The following PTPRN2 variants were observed in gnomAD, a reference collection of about 807,000 sequenced individuals.
PTPRN2 encodes receptor-type tyrosine-protein phosphatase N2.
A neutral mutation model predicts 118.8 loss-of-function variants in PTPRN2; 74 were observed. That is an observed-to-expected ratio of 0.62 (90% CI 0.52 to 0.76). The LOEUF (loss-of-function observed/expected upper bound fraction) is 0.76. Among genes scored for constraint, PTPRN2 ranks in the 30% least tolerant of loss-of-function variants. The pLI is 0.00. For synonymous variants in PTPRN2, 641 were observed against 608.0 expected (o/e 1.05, Z -0.80); for missense variants, 1,481 against 1,394.4 (o/e 1.06, Z -0.99).
intron 5 of PTPRN2, among the ~76,000 whole-genome samples, chr7:158,177,210 CT>C (rs1425513401): frequency 6.6e-6 from 1 of 152,114 alleles, no homozygotes; most frequent in Non-Finnish European, 1.5e-5. Context: ...TGCATTCCCC[CT>C]AATTTGAGAA....
chr7:157,868,789 G>A lies in PTPRN2; in HGVS notation c.1788+29884C>T, dbSNP rs1320507737. 1.3e-5 allele frequency: 2 copies of A among 152,206 alleles called. No individual in the cohort carries two copies. The highest frequency in any genetic ancestry group is 2.9e-5 in the Non-Finnish European group (2 of 68,064). The allele number at this position is 152,206 out of a possible 1,614,324, so 9.4% of individuals were successfully genotyped here. A position where few individuals can be genotyped will look rare whatever the true frequency, so the allele number is the denominator to read the frequency against. Reference sequence around the variant, plus strand: ...TCCGGGCCATGCGTGGCTGGTAACTGGGAAATGCTCGACATGGAAAATTCT... The same window carrying A: ...TCCGGGCCATGCGTGGCTGGTAACTAGGAAATGCTCGACATGGAAAATTCT... On this transcript the variant is annotated intron_variant, in intron 12 of 22. Coordinates refer to ENST00000389418, the MANE Select transcript of PTPRN2 (RefSeq NM_002847.5). This position sits in a 1 kb window ranked among gnomAD's most constrained non-coding sequence, Gnocchi z 5.2.
chr7:158,182,203 C>T (rs1391910956), intron 5 of PTPRN2, among the ~76,000 whole-genome samples: 1 of 152,004 alleles, frequency 6.6e-6, no homozygotes, highest in Non-Finnish European at 1.5e-5. Context: ...TTTTTATTTC[C>T]ATGTATTTGT....
At chr7:158,340,884 C>T in intron 2 of PTPRN2, among the ~76,000 whole-genome samples, 1 of 92,028 alleles carries the variant, frequency 1.1e-5, no homozygotes. Flanking sequence ...CACACTCTCA[C>T]CATAAGAGCT....
chr7:158,443,412 G>A (rs559988001), intron 2 of PTPRN2, among the ~76,000 whole-genome samples: 16 of 152,314 alleles, frequency 1.1e-4, no homozygotes, highest in Non-Finnish European at 2.1e-4. Flanking sequence ...ATGAATCAAC[G>A]GAGAACTGAC....
chr7:158,062,744 C>A (rs1810448562), intron 11 of PTPRN2, among the ~76,000 whole-genome samples: 2 of 152,190 alleles, frequency 1.3e-5, no homozygotes, highest in Admixed American at 1.3e-4. Context: ...TGTGCCGGTT[C>A]CCCCAGCAGT....
rs1452821461 is a variant in PTPRN2 at position 157,986,446 on chromosome 7, G to A, written c.1724-87709C>T. ...CCGTGTGTGGTCACCGTGGTCAGTG[G>A]CAGAGGTGGGGCTGGAGGTCAGAAC... On this transcript the variant is annotated intron_variant, in intron 11 of 22. Transcript: ENST00000389418. This position sits in a 1 kb window ranked among gnomAD's most constrained non-coding sequence, Gnocchi z 4.5. 1.3e-5 allele frequency among the ~76,000 whole-genome samples: 2 copies of A among 152,258 alleles called. No homozygotes were observed. Among genetic ancestry groups the A allele is most frequent in the East Asian group, 1.9e-4 (1 of 5,156 alleles).
rs942761374 is a variant in PTPRN2, at chr7:157,868,207, C to T, written c.1788+30466G>A. Among the ~76,000 whole-genome samples, 2 of 152,216 alleles carry T rather than the reference C, an allele frequency of 1.3e-5. No homozygotes were observed. Among genetic ancestry groups the T allele is most frequent in the Non-Finnish European group, 2.9e-5 (2 of 68,042 alleles). ...TCCTTTCCCGATGGCTCCGACAGCC[C>T]AGTGGTGCACCTACAACTGCTTCCC... is the stretch of plus-strand genomic sequence containing the variant. On this transcript the variant is annotated intron_variant, in intron 12 of 22. Coordinates refer to ENST00000389418, the MANE Select transcript of PTPRN2 (RefSeq NM_002847.5). The surrounding 1 kb of genome is among the most constrained non-coding windows in gnomAD (Gnocchi z 5.2).
At chr7:157,661,416 C>G (rs918504363) in intron 13 of PTPRN2, among the ~76,000 whole-genome samples, 5 of 152,258 alleles carry the variant, frequency 3.3e-5, no homozygotes, top group South Asian at 4.1e-4. Context: ...AACGCGCGGC[C>G]GGGGACGCTG....
chr7:158,171,597 C>T (rs893490343), intron 5 of PTPRN2, among the ~76,000 whole-genome samples: 19 of 151,962 alleles, frequency 1.3e-4, no homozygotes, highest in African/African-American at 2.9e-4. Context: ...GTGATCTGCC[C>T]GCCTTGGCCT....
intron 21 of PTPRN2, among the ~76,000 whole-genome samples, chr7:157,551,649 C>G: frequency 6.8e-6 from 1 of 147,538 alleles, no homozygotes; most frequent in Non-Finnish European, 1.5e-5. Flanking sequence ...CCACACACCC[C>G]ACAGCCATCA....
intron 14 of PTPRN2, among the ~76,000 whole-genome samples, chr7:157,642,848 GCT>G (rs1804787360): frequency 1.9e-5 from 1 of 53,890 alleles, no homozygotes; most frequent in African/African-American, 5.9e-5. Flanking sequence ...AAAAAAAGCA[GCT>G]AAAACGCAGG....
chr7:157,975,589 CAGTG>C (rs1802685018), intron 11 of PTPRN2, among the ~76,000 whole-genome samples: 1 of 152,150 alleles, frequency 6.6e-6, no homozygotes, highest in African/African-American at 2.4e-5. Context: ...CTGTGCTTTT[CAGTG>C]AGTGTCACAG....
In PTPRN2 at chr7:158,003,011, G is replaced by C. The variant is rs1010490169; in HGVS notation, c.1723+78287C>G. Among the ~76,000 whole-genome samples the C allele has an allele frequency of 4.6e-5, 7 of 152,312 alleles. No homozygotes were observed. Among genetic ancestry groups the C allele is most frequent in the South Asian group, 2.1e-4 (1 of 4,828 alleles). ...CAGGGGAGGAGGAAAGAGCACAGGA[G>C]AGGGCAGGAGATGTTTGGCTTCTGT... On this transcript the variant is annotated intron_variant, in intron 11 of 22. Transcript: ENST00000389418. This position sits in a 1 kb window ranked among gnomAD's most constrained non-coding sequence, Gnocchi z 5.0.
chr7:157,895,218 A>T (rs552814323), intron 12 of PTPRN2, among the ~76,000 whole-genome samples: 1 of 151,100 alleles, frequency 6.6e-6, no homozygotes. Context: ...AAGCCAGAGG[A>T]TCTGGACGAA....
In PTPRN2 at chr7:157,674,418, G is replaced by T. The variant is rs1187482168; in HGVS notation, c.2001+8307C>A. 6.6e-6 allele frequency among the ~76,000 whole-genome samples: 1 copy of T among 152,136 alleles called. No homozygotes were observed. The highest frequency in any genetic ancestry group is 1.9e-4 in the East Asian group (1 of 5,178). ...GACTTTCATCTGCTGGGTCCTCCTC[G>T]GTTTGACGTGCAATTGCTTTTCCCG... On this transcript the variant is annotated intron_variant, in intron 13 of 22. Coordinates refer to ENST00000389418, the MANE Select transcript of PTPRN2 (RefSeq NM_002847.5). This position sits in a 1 kb window ranked among gnomAD's most constrained non-coding sequence, Gnocchi z 4.5.
chr7:158,420,246 G>A (rs976055542), intron 2 of PTPRN2, among the ~76,000 whole-genome samples: 8 of 152,142 alleles, frequency 5.3e-5, no homozygotes, highest in Admixed American at 4.6e-4. Flanking sequence ...CTGCAGTGAG[G>A]AGGAAGAGAC....
chr7:157,821,582 AGAG>A (rs1166063356), intron 12 of PTPRN2, among the ~76,000 whole-genome samples: 1 of 152,192 alleles, frequency 6.6e-6, no homozygotes, highest in Non-Finnish European at 1.5e-5. Context: ...AAGCTGATGG[AGAG>A]CCCACAGTTG....
intron 17 of PTPRN2, among the ~76,000 whole-genome samples, chr7:157,584,844 G>T (rs1445219394): frequency 2.0e-5 from 3 of 152,196 alleles, no homozygotes; most frequent in African/African-American, 2.4e-5. Context: ...CTTTTGCAGG[G>T]GAAACCTTCA....
At chr7:157,725,991 C>T (rs1459161037) in intron 12 of PTPRN2, among the ~76,000 whole-genome samples, 2 of 143,554 alleles carry the variant, frequency 1.4e-5, no homozygotes, top group African/African-American at 5.4e-5. Context: ...GCCAGACCCT[C>T]GCCTCCCAGG....
Sources: allele counts gnomAD v4.1 joint callset (sites outside exome capture counted in the v4.1 genomes callset), GRCh38; gene constraint gnomAD v4.1.1; non-coding constraint Gnocchi (gnomAD v3.1); transcripts MANE v1.5; gene names NCBI Gene and HGNC (gene_info 2026-07-23, HGNC 2026-07-21).